Variants in NCKAP5 observed in about 807,000 individuals in gnomAD.
NCKAP5 encodes nck-associated protein 5.
In NCKAP5, 92 loss-of-function variants were observed where a neutral mutation model predicts 167.0. The observed-to-expected ratio is 0.55, with a 90% CI of 0.47 to 0.66. The LOEUF is 0.66. Ranked by LOEUF, NCKAP5 falls within the 30% of genes least tolerant of loss-of-function variation. The pLI, the probability that NCKAP5 is intolerant of heterozygous loss-of-function variation, is 0.00. For synonymous variants in NCKAP5, 891 were observed against 877.4 expected (o/e 1.02, Z -0.27); for missense variants, 2,378 against 2,315.0 (o/e 1.03, Z -0.56).
intron 11 of NCKAP5, among the ~76,000 whole-genome samples, chr2:132,835,849 C>A (rs1029027323): frequency 6.6e-6 from 1 of 152,138 alleles, no homozygotes; most frequent in Non-Finnish European, 1.5e-5. Context: ...CCCTTCTCTA[C>A]CTTGGGGGCC....
rs116841361 is a variant in NCKAP5, at chr2:132,743,887, G to C, written c.5129-11836C>G. ...GCAAACTCTAATAAAAAGAAAGCTA[G>C]AGTCACTATGCTAATATCAGAAAAT... On this transcript the variant is annotated intron_variant, in intron 16 of 19. Transcript: ENST00000409261. Among the ~76,000 whole-genome samples, 565 of 151,702 alleles carry C rather than the reference G, an allele frequency of 3.7e-3. 31 individuals carry two copies. In the East Asian group the frequency reaches 0.091, roughly 25 times the overall value.
At chr2:132,704,193 G>T (rs1230995708) in intron 19 of NCKAP5, among the ~76,000 whole-genome samples, 1 of 152,136 alleles carries the variant, frequency 6.6e-6, no homozygotes, top group African/African-American at 2.4e-5. Flanking sequence ...CTTTCAAGTG[G>T]TGGCTTTTTT....
At chr2:133,281,433 A>G (rs1331042851) in intron 4 of NCKAP5, among the ~76,000 whole-genome samples, 1 of 152,334 alleles carries the variant, frequency 6.6e-6, no homozygotes. Context: ...TCTTAAAATT[A>G]CAAAGTCACT....
At chr2:132,798,281 C>A (rs1033266152) in intron 11 of NCKAP5, among the ~76,000 whole-genome samples, 1 of 152,142 alleles carries the variant, frequency 6.6e-6, no homozygotes, top group Non-Finnish European at 1.5e-5. Flanking sequence ...CGGAACCCGA[C>A]AAAATACATC....
At chr2:133,106,956 T>C (rs1168356113) in intron 6 of NCKAP5, among the ~76,000 whole-genome samples, 1 of 152,234 alleles carries the variant, frequency 6.6e-6, no homozygotes, top group African/African-American at 2.4e-5. Context: ...TGACAACGTC[T>C]CCCTTCTTTT....
At chr2:132,990,130 C>G (rs2077409032) in intron 7 of NCKAP5, among the ~76,000 whole-genome samples, 1 of 152,050 alleles carries the variant, frequency 6.6e-6, no homozygotes, top group Non-Finnish European at 1.5e-5. Context: ...ACTCTCATGT[C>G]CATTTCAAGA....
At chr2:133,558,704 CAAAAA>C (rs60051493) in intron 2 of NCKAP5, among the ~76,000 whole-genome samples, 8,050 of 50,848 alleles carry the variant, frequency 0.16, 268 homozygotes, top group Middle Eastern at 0.35. Flanking sequence ...ATGTGCTGAG[CAAAAA>C]AAAAAAAAAA....
At chr2:133,664,779 T>G in the NCKAP5 span, among the ~76,000 whole-genome samples, 1 of 152,228 alleles carries the variant, frequency 6.6e-6, no homozygotes, top group African/African-American at 2.4e-5. Flanking sequence ...ATTACATATG[T>G]GAGCCACCGC....
the NCKAP5 span, among the ~76,000 whole-genome samples, chr2:133,646,770 T>G: frequency 5.9e-5 from 9 of 152,196 alleles, no homozygotes; most frequent in African/African-American, 2.2e-4. Context: ...AAAATAATGA[T>G]AGCCAAAAAT....
intron 11 of NCKAP5, among the ~76,000 whole-genome samples, chr2:132,799,151 A>C (rs1684834037): frequency 6.6e-6 from 1 of 152,160 alleles, no homozygotes; most frequent in African/African-American, 2.4e-5. Context: ...ATTCAGAAAT[A>C]GAAAACCAAA....
intron 6 of NCKAP5, among the ~76,000 whole-genome samples, chr2:133,100,092 G>A (rs903910468): frequency 2.0e-5 from 3 of 152,146 alleles, no homozygotes; most frequent in Admixed American, 2.0e-4. Flanking sequence ...TAAGACAAAA[G>A]TTAACAGGGT....
chr2:133,211,172 C>G (rs141927530), intron 5 of NCKAP5, among the ~76,000 whole-genome samples: 20 of 152,168 alleles, frequency 1.3e-4, no homozygotes, highest in African/African-American at 1.9e-4. Context: ...AACTCCTTCA[C>G]CTACTTCAGG....
intron 15 of NCKAP5, among the ~76,000 whole-genome samples, chr2:132,777,621 A>G (rs1682659061): frequency 6.6e-6 from 1 of 152,216 alleles, no homozygotes; most frequent in Admixed American, 6.5e-5. Flanking sequence ...TGGAAAAGTT[A>G]CTAATTTAGA....
chr2:132,785,282 C>T lies in NCKAP5; in HGVS notation c.1529G>A (p.Ser510Asn). The change falls in exon 14 of 20, where the codon AGT becomes AAT. Residue 510 changes from serine (S) to asparagine (N), a missense_variant. This residue lies in a region of NCKAP5 where 1,049 missense variants were observed against 1,023.4 expected (regional missense o/e 1.02). Coordinates refer to ENST00000409261, the MANE Select transcript of NCKAP5 (RefSeq NM_207363.3). ...TCTGTTTGTCTCCCAGCCAAACAGA[C>T]TGTCGGAAACACTGTGGGTTAATTT... Reference protein sequence around the residue: ...GSKLTHSVSDSLFGWETNRKH... With the variant: ...GSKLTHSVSDNLFGWETNRKH... The T allele has an allele frequency of 6.3e-7, 1 of 1,591,102 alleles. No homozygotes were observed. The highest frequency in any genetic ancestry group is 8.6e-7 in the Non-Finnish European group (1 of 1,167,210).
intron 6 of NCKAP5, among the ~76,000 whole-genome samples, chr2:133,045,295 G>C (rs2149467983): frequency 6.6e-6 from 1 of 152,044 alleles, no homozygotes; most frequent in African/African-American, 2.4e-5. Context: ...TATGTTATCA[G>C]TTTATGATGT....
Position 133,130,100 on chromosome 2 carries a change from C to G in NCKAP5, c.219G>C (p.Leu73=), listed in dbSNP as rs371025656. ...RTSEGAMHEK[L]IHELEEERHL... is the part of the protein sequence containing the mutation. ...GTCTCTCCTCTTCCAGTTCATGTAT[C>G]AGCTTCTCATGCTATAAAAGACACA... The change falls in exon 6 of 20, where the codon CTG becomes CTC. Residue 73 remains leucine, a synonymous_variant. Transcript: ENST00000409261. 113 of 1,609,376 alleles carry G rather than the reference C, an allele frequency of 7.0e-5. No individual in the cohort carries two copies. The highest frequency in any genetic ancestry group is 9.5e-5 in the Non-Finnish European group (112 of 1,178,728).
At chr2:133,629,101 CA>C in the NCKAP5 span, among the ~76,000 whole-genome samples, 1 of 152,116 alleles carries the variant, frequency 6.6e-6, no homozygotes, top group African/African-American at 2.4e-5. Flanking sequence ...ATAAAAATAT[CA>C]AAAGCAATTG....
At chr2:132,800,010 A>G (rs1179456431) in intron 11 of NCKAP5, among the ~76,000 whole-genome samples, 1 of 152,230 alleles carries the variant, frequency 6.6e-6, no homozygotes, top group African/African-American at 2.4e-5. Context: ...TACATTTCTT[A>G]TGACAAGAAT....
At position 133,128,490 on chromosome 2, in the gene NCKAP5, T is replaced by C. The variant is rs970201922; in HGVS notation, c.341+1488A>G. On this transcript the variant is annotated intron_variant, in intron 6 of 19. Coordinates refer to ENST00000409261, the MANE Select transcript of NCKAP5 (RefSeq NM_207363.3). ...TCACCTACCCTCATATTAACTATAA[T>C]TGGAAACTGAAAGATTCCAACTGCT... Among the ~76,000 whole-genome samples, 9 of 152,196 alleles carry C rather than the reference T, an allele frequency of 5.9e-5. 1 individual carries two copies. Among genetic ancestry groups the C allele is most frequent in the Admixed American group, 5.9e-4 (9 of 15,282 alleles).
Sources: allele counts gnomAD v4.1 joint callset (sites outside exome capture counted in the v4.1 genomes callset), GRCh38; gene constraint gnomAD v4.1.1; regional missense constraint gnomAD v4.1.1; transcripts MANE v1.5; gene names NCBI Gene and HGNC (gene_info 2026-07-23, HGNC 2026-07-21).